TMPRSS15: variants seen among roughly 807,000 people sequenced by gnomAD.
TMPRSS15 encodes the protein enteropeptidase.
In TMPRSS15, 128 loss-of-function variants were observed where a neutral mutation model predicts 125.3. The ratio of observed to expected loss-of-function variants is 1.02; its 90% CI spans 0.89 to 1.18. The LOEUF (loss-of-function observed/expected upper bound fraction) is 1.18. Among genes scored for constraint, TMPRSS15 ranks in the 50% most tolerant of loss-of-function variants. TMPRSS15 has a pLI of 0.00. For missense variants in TMPRSS15, 1,283 were observed against 1,212.7 expected (o/e 1.06, Z -0.86); for synonymous variants, 446 against 423.2 (o/e 1.05, Z -0.66).
intron 1 of TMPRSS15, among the ~76,000 whole-genome samples, chr21:18,445,739 C>T (rs149077449): frequency 1.6e-3 from 236 of 152,230 alleles, no homozygotes; most frequent in Non-Finnish European, 2.9e-3. Flanking sequence ...GCTAAAAAAG[C>T]GTTTGGTAAA....
At chr21:18,435,236 T>C (rs2076225263) in intron 1 of TMPRSS15, among the ~76,000 whole-genome samples, 1 of 152,202 alleles carries the variant, frequency 6.6e-6, no homozygotes, top group Non-Finnish European at 1.5e-5. Context: ...CTTCCAGTTT[T>C]TGCCCATTCA....
chr21:18,325,238 AT>A (rs2146959463), intron 16 of TMPRSS15, among the ~76,000 whole-genome samples: 1 of 75,132 alleles, frequency 1.3e-5, no homozygotes, highest in African/African-American at 5.4e-5. Flanking sequence ...GTATTTACTC[AT>A]TGTTTTTTAT....
At position 18,396,791 on chromosome 21, in the gene TMPRSS15, A is replaced by AATCT. The variant is rs1555909715; in HGVS notation, c.344+1084_344+1087dup. Among the ~76,000 whole-genome samples, 516 of 57,900 alleles carry AATCT rather than the reference A, an allele frequency of 8.9e-3. 23 individuals carry two copies. The highest frequency in any genetic ancestry group is 0.03 in the African/African-American group (462 of 15,640). 38.0% of individuals were successfully genotyped at this position (57,900 alleles called of 152,430 possible). ...TCTGTCTCAAAAAAAAAAAAAAAAA[A>AATCT]ATCTGTCTGTCTGTCTGTCTATCTA... On this transcript the variant is annotated intron_variant, in intron 3 of 24. Coordinates refer to ENST00000284885, the MANE Select transcript of TMPRSS15 (RefSeq NM_002772.3).
At chr21:18,378,394 A>G (rs971629660) in intron 5 of TMPRSS15, among the ~76,000 whole-genome samples, 1 of 152,146 alleles carries the variant, frequency 6.6e-6, no homozygotes, top group Non-Finnish European at 1.5e-5. Flanking sequence ...TTATTCTATC[A>G]TAACAGACCT....
chr21:18,297,046 C>T (rs557180133), intron 19 of TMPRSS15, among the ~76,000 whole-genome samples: 13 of 152,266 alleles, frequency 8.5e-5, no homozygotes, highest in Admixed American at 4.6e-4. Flanking sequence ...ATTCTTCCCA[C>T]CCACAGCTGT....
At chr21:18,406,792 T>C (rs1044280352), upstream of TMPRSS15, among the ~76,000 whole-genome samples, 2 of 152,100 alleles carry the variant, frequency 1.3e-5, no homozygotes, top group African/African-American at 4.8e-5. Context: ...CTCTTTCCAG[T>C]TAAATCTGGG....
intron 10 of TMPRSS15, among the ~76,000 whole-genome samples, chr21:18,344,908 G>A (rs1193201591): frequency 1.3e-5 from 2 of 152,200 alleles, no homozygotes; most frequent in East Asian, 3.8e-4. Context: ...ATGAGATGAT[G>A]AAATTTAGTG....
chr21:18,278,294 A>T (rs1012456230), intron 23 of TMPRSS15, among the ~76,000 whole-genome samples: 2 of 152,102 alleles, frequency 1.3e-5, no homozygotes, highest in Admixed American at 1.3e-4. Flanking sequence ...CATTTTAATG[A>T]GGCTTTTAAG....
At chr21:18,332,023 G>T in intron 14 of TMPRSS15, 61 bp downstream of exon 14, 1 of 1,423,968 alleles carries the variant, frequency 7.0e-7, no homozygotes, top group Non-Finnish European at 9.9e-7. Context: ...GCTGCGTCAA[G>T]GGGAGATCTA....
At chr21:18,351,531 T>C (rs1355236606) in intron 10 of TMPRSS15, among the ~76,000 whole-genome samples, 3 of 152,166 alleles carry the variant, frequency 2.0e-5, no homozygotes, top group Non-Finnish European at 4.4e-5. Context: ...GGTGGTTTTA[T>C]ATGTGTTTGA....
rs1163660864 is a variant in TMPRSS15, at chr21:18,435,720, T to C, written c.11-37391A>G. Among the ~76,000 whole-genome samples the C allele has an allele frequency of 3.3e-5, 5 of 152,300 alleles. No individual in the cohort carries two copies. In the South Asian group the frequency reaches 1.0e-3, roughly 32 times the overall value. On this transcript the variant is annotated intron_variant, in intron 1 of 7. Transcript: ENST00000422787. ...CAGAAGGAATGGTACCAGTTCCTCC[T>C]TGTACCTCTGGTAGAATTCGGCTGT...
At chr21:18,462,040 C>T (rs1446563825) in intron 1 of TMPRSS15, among the ~76,000 whole-genome samples, 2 of 151,854 alleles carry the variant, frequency 1.3e-5, no homozygotes, top group African/African-American at 4.8e-5. Context: ...TTCAATTTAC[C>T]CTTCCTAATG....
intron 17 of TMPRSS15, 106 bp downstream of exon 17, chr21:18,315,040 A>G (rs1319126857): frequency 2.2e-6 from 2 of 896,224 alleles, no homozygotes; most frequent in East Asian, 2.5e-5. Flanking sequence ...GTTCCAAAGC[A>G]TCAAAACAGG....
intron 4 of TMPRSS15, among the ~76,000 whole-genome samples, chr21:18,382,670 A>G (rs2075903417): frequency 6.6e-6 from 1 of 152,170 alleles, no homozygotes; most frequent in South Asian, 2.1e-4. Context: ...CCCTCGGTGT[A>G]GATATTTATG....
Position 18,383,710 on chromosome 21 carries a change from T to C in TMPRSS15, c.413A>G (p.Glu138Gly). The change falls in exon 4 of 25, where the codon GAA becomes GGA. Residue 138 changes from glutamate (E) to glycine (G), a missense_variant. By Grantham distance (98) the Glu-to-Gly change is moderately conservative (BLOSUM62 -2). Transcript: ENST00000284885. ...AQWVSDENVK[E>G]ELIQGLEANK... Reference sequence around the variant, plus strand: ...TGCTTCAAGGCCTTGAATCAGTTCTTCTTTTACATTTTCATCTGACACCCA... The same window carrying C: ...TGCTTCAAGGCCTTGAATCAGTTCTCCTTTTACATTTTCATCTGACACCCA... The C allele has an allele frequency of 1.2e-6, 2 of 1,613,996 alleles. No individual in the cohort carries two copies. The highest frequency in any genetic ancestry group is 1.7e-6 in the Non-Finnish European group (2 of 1,179,958).
At chr21:18,405,727 AC>A (rs778740106), upstream of TMPRSS15, among the ~76,000 whole-genome samples, 12 of 152,198 alleles carry the variant, frequency 7.9e-5, no homozygotes, top group Non-Finnish European at 1.6e-4. Context: ...TTCATCTCAC[AC>A]CGTGAAGAGA....
chr21:18,439,206 G>T (rs2076235792), intron 1 of TMPRSS15, among the ~76,000 whole-genome samples: 1 of 152,032 alleles, frequency 6.6e-6, no homozygotes, highest in Non-Finnish European at 1.5e-5. Context: ...ATAATGCTTT[G>T]CATTGAAGTA....
chr21:18,270,200 ATAAAT>A (rs1402818079), intron 24 of TMPRSS15, 76 bp from the exon 25 acceptor site: 12 of 1,257,522 alleles, frequency 9.5e-6, no homozygotes, highest in South Asian at 2.8e-5. Flanking sequence ...TTTGTATCAA[ATAAAT>A]TAAAAAATAA....
In TMPRSS15 at chr21:18,466,418, T is replaced by C. The variant is rs893869801; in HGVS notation, c.10+19381A>G. Among the ~76,000 whole-genome samples, 7 of 151,896 alleles carry C rather than the reference T, an allele frequency of 4.6e-5. No homozygotes were observed. In the South Asian group the frequency reaches 1.2e-3, roughly 27 times the overall value. ...AAAGCCAAAATGGACAAATGGGATC[T>C]AATTAAACTAAACAGCTTCTGCACA... On this transcript the variant is annotated intron_variant, in intron 1 of 7. Transcript: ENST00000422787.
Sources: gnomAD v4.1 joint callset for allele counts (sites outside exome capture counted in the v4.1 genomes callset) on GRCh38, gnomAD v4.1.1 for gene constraint, MANE v1.5 for transcripts, NCBI Gene and HGNC (gene_info 2026-07-23, HGNC 2026-07-21) for gene names.